The following C12orf50 variants were observed in gnomAD, a reference collection of about 807,000 sequenced individuals.
The protein encoded by C12orf50 is uncharacterized protein C12orf50.
Under a neutral mutation model 61.6 loss-of-function variants are expected in C12orf50, and 35 were observed. That is an observed-to-expected ratio of 0.57 (90% confidence interval 0.43 to 0.75). C12orf50 has a LOEUF of 0.75. C12orf50 is among the 30% of genes least tolerant of loss of function. The pLI is 0.00. For missense variants in C12orf50, 475 were observed against 488.5 expected, an observed-to-expected ratio of 0.97 and a Z score of 0.26; for synonymous variants, 178 against 161.5, an observed-to-expected ratio of 1.10 and a Z score of -0.77.
chr12:87,995,064 T>C (rs1475430207), intron 6 of C12orf50, among the ~76,000 whole-genome samples: 1 of 152,198 alleles, frequency 6.6e-6, no homozygotes, highest in African/African-American at 2.4e-5. Context: ...ATATTACTTT[T>C]GATTTTATCT....
At chr12:88,013,445 T>C (rs1221268207) in intron 3 of C12orf50, among the ~76,000 whole-genome samples, 1 of 152,186 alleles carries the variant, frequency 6.6e-6, no homozygotes, top group Admixed American at 6.5e-5. Flanking sequence ...TATTACACAT[T>C]GTTGATTCTA....
chr12:87,982,362 G>A (rs1045293666), intron 12 of C12orf50, among the ~76,000 whole-genome samples: 2 of 152,134 alleles, frequency 1.3e-5, no homozygotes, highest in African/African-American at 4.8e-5. Context: ...GTTATCCCCA[G>A]TATATAAACA....
chr12:88,012,923 G>T (rs1175643806), intron 3 of C12orf50, among the ~76,000 whole-genome samples: 2 of 152,012 alleles, frequency 1.3e-5, no homozygotes, highest in Non-Finnish European at 2.9e-5. Flanking sequence ...AATTAGTCGG[G>T]CATGGCGTCA....
chr12:88,026,876 T>C lies in C12orf50; in HGVS notation c.12+75A>G. The C allele has an allele frequency of 2.6e-6, 4 of 1,541,618 alleles. No individual in the cohort carries two copies. In the South Asian group the frequency reaches 5.1e-5, roughly 19 times the overall value. On this transcript the variant is annotated intron_variant, in intron 2 of 12. Transcript: ENST00000298699. ...AGGAAGAATGATTTCTTCCATATTG[T>C]TTTGAAAAAGTATAATTCAGCATTA...
intron 3 of C12orf50, among the ~76,000 whole-genome samples, chr12:88,023,148 CA>C (rs1327207110): frequency 6.6e-6 from 1 of 151,572 alleles, no homozygotes; most frequent in African/African-American, 2.4e-5. Flanking sequence ...GATACTGGCA[CA>C]AAAAAACACA....
At chr12:88,027,129 C>T in intron 1 of C12orf50, 59 bp from the exon 2 acceptor site, 1 of 1,476,250 alleles carries the variant, frequency 6.8e-7, no homozygotes, top group South Asian at 1.3e-5. Context: ...TGTTCAACAA[C>T]AATAGGTTGC....
At chr12:88,011,562 T>A (rs2032111036) in intron 3 of C12orf50, among the ~76,000 whole-genome samples, 1 of 152,232 alleles carries the variant, frequency 6.6e-6, no homozygotes, top group South Asian at 2.1e-4. Flanking sequence ...GTACTATTAC[T>A]ATCTCTACCA....
intron 3 of C12orf50, among the ~76,000 whole-genome samples, chr12:88,020,683 G>A (rs1056117522): frequency 1.3e-5 from 2 of 151,920 alleles, no homozygotes; most frequent in African/African-American, 4.8e-5. Context: ...TGACCAAATG[G>A]ATTTAATAAA....
chr12:88,004,944 C>T (rs904815074), intron 3 of C12orf50, among the ~76,000 whole-genome samples: 1 of 152,018 alleles, frequency 6.6e-6, no homozygotes, highest in African/African-American at 2.4e-5. Flanking sequence ...ATGCTTATAA[C>T]CTGGGTGACG....
intron 3 of C12orf50, among the ~76,000 whole-genome samples, chr12:88,014,626 A>G (rs2032243796): frequency 6.6e-6 from 1 of 152,160 alleles, no homozygotes; most frequent in Non-Finnish European, 1.5e-5. Context: ...AGACAGCACT[A>G]TGTTTGAATT....
Position 87,987,951 on chromosome 12 carries a change from G to C in C12orf50, c.716C>G (p.Pro239Arg), listed in dbSNP as rs1436631609. ...CSNTKDNKDS[P>R]HPKHSLTTRL... The stretch of plus-strand genomic sequence containing the variant: ...GGTAGTTAGGGAATGCTTTGGATGA[G>C]GACTGTCCTTGTTATCTTTTAAAGC... Residue 239 changes from proline (P) to arginine (R), a missense_variant, in exon 9 of 13, where the codon CCT becomes CGT. By Grantham distance (103) the Pro-to-Arg change is moderately radical. Coordinates refer to ENST00000298699, the MANE Select transcript of C12orf50 (RefSeq NM_152589.3). 2.5e-6 allele frequency: 4 copies of C among 1,600,286 alleles called. No individual in the cohort carries two copies. The highest frequency in any genetic ancestry group is 3.4e-6 in the Non-Finnish European group (4 of 1,170,710).
At chr12:87,983,006 T>C in intron 12 of C12orf50, 97 bp downstream of exon 12, 1 of 641,026 alleles carries the variant, frequency 1.6e-6, no homozygotes, top group African/African-American at 1.9e-5. Context: ...CTTGAAATTT[T>C]TATTTATCTT....
At chr12:88,020,505 C>A (rs1397758395) in intron 3 of C12orf50, among the ~76,000 whole-genome samples, 2 of 152,066 alleles carry the variant, frequency 1.3e-5, no homozygotes, top group Admixed American at 1.3e-4. Flanking sequence ...TAAATATATA[C>A]ACATCCAACA....
chr12:88,007,860 T>C (rs1417898764), intron 3 of C12orf50, among the ~76,000 whole-genome samples: 1 of 152,102 alleles, frequency 6.6e-6, no homozygotes, highest in East Asian at 1.9e-4. Flanking sequence ...CCAGTGATAA[T>C]TGTAATAATA....
At chr12:88,000,888 C>A (rs991582878) in intron 3 of C12orf50, among the ~76,000 whole-genome samples, 14 of 151,724 alleles carry the variant, frequency 9.2e-5, no homozygotes, top group Non-Finnish European at 1.8e-4. Flanking sequence ...TTGTATCCTG[C>A]AATGTTGCTA....
chr12:88,007,498 A>G (rs967372473), intron 3 of C12orf50, among the ~76,000 whole-genome samples: 8 of 152,192 alleles, frequency 5.3e-5, no homozygotes, highest in African/African-American at 1.9e-4. Flanking sequence ...CTTGGTCTCT[A>G]TTGAGGACTC....
intron 3 of C12orf50, among the ~76,000 whole-genome samples, chr12:88,000,432 T>C (rs2031606553): frequency 6.6e-6 from 1 of 152,108 alleles, no homozygotes; most frequent in Admixed American, 6.5e-5. Context: ...TCTTGATTAC[T>C]TCAGTTTTGT....
At chr12:88,029,439 C>T (rs2032822628), upstream of C12orf50, 1 of 160,962 alleles carries the variant, frequency 6.2e-6, no homozygotes, top group Non-Finnish European at 1.4e-5. Flanking sequence ...ATTGTTTGCT[C>T]ATCATAAATG....
chr12:87,982,541 G>A (rs2030543020), intron 12 of C12orf50, among the ~76,000 whole-genome samples: 1 of 152,088 alleles, frequency 6.6e-6, no homozygotes, highest in Non-Finnish European at 1.5e-5. Context: ...AAGACACCAA[G>A]CTGTTTAGCA....
Sources: gnomAD v4.1 joint callset for allele counts (sites outside exome capture counted in the v4.1 genomes callset) on GRCh38, gnomAD v4.1.1 for gene constraint, MANE v1.5 for transcripts, NCBI Gene and HGNC (gene_info 2026-07-23, HGNC 2026-07-21) for gene names.